Variants in LRRC7 observed in about 807,000 individuals in gnomAD.
LRRC7 encodes leucine-rich repeat-containing protein 7.
Under a neutral mutation model 175.7 loss-of-function variants are expected in LRRC7, and 23 were observed. The observed-to-expected ratio is 0.13, with a 90% CI of 0.09 to 0.19. The LOEUF is 0.19. Ranked by LOEUF, LRRC7 falls within the 10% of genes least tolerant of loss-of-function variation. LRRC7 has a pLI of 1.00. For missense variants in LRRC7, 1,354 were observed against 1,904.7 expected, an observed-to-expected ratio of 0.71 and a Z score of 5.38; for synonymous variants, 685 against 680.9, an observed-to-expected ratio of 1.01 and a Z score of -0.09.
intron 24 of LRRC7, among the ~76,000 whole-genome samples, chr1:70,086,258 G>A (rs1663600368): frequency 1.3e-5 from 2 of 152,042 alleles, no homozygotes; most frequent in Non-Finnish European, 2.9e-5. Flanking sequence ...TGAGTGTCTA[G>A]GACTACAGGT....
At chr1:69,978,371 C>T (rs935446485) in intron 8 of LRRC7, among the ~76,000 whole-genome samples, 5 of 151,958 alleles carry the variant, frequency 3.3e-5, no homozygotes, top group East Asian at 1.9e-4. Context: ...TTCCAGTTCA[C>T]CTGCCTGTTG....
chr1:70,038,974 T>C lies in LRRC7; in HGVS notation c.3150T>C (p.Ser1050=). ...MLDDEMLTYG[S]SKGPQQQKAS... is the part of the protein sequence containing the mutation. The stretch of plus-strand genomic sequence containing the variant: ...ATGATGAGATGCTCACCTACGGAAG[T>C]AGTAAGGGGCCACAACAACAAAAAG... The change falls in exon 21 of 27, where the codon AGT becomes AGC. Residue 1050 remains serine, a synonymous_variant. Coordinates refer to ENST00000651989, the MANE Select transcript of LRRC7 (RefSeq NM_001370785.2). 6.2e-7 allele frequency: 1 copy of C among 1,613,830 alleles called. No homozygotes were observed. Among genetic ancestry groups the C allele is most frequent in the South Asian group, 1.1e-5 (1 of 91,066 alleles).
intron 26 of LRRC7, among the ~76,000 whole-genome samples, chr1:70,109,090 C>T (rs1665345444): frequency 6.6e-6 from 1 of 152,098 alleles, no homozygotes; most frequent in African/African-American, 2.4e-5. Flanking sequence ...GGCACGATCT[C>T]GGCTCACCAC....
intron 1 of LRRC7, among the ~76,000 whole-genome samples, chr1:69,633,831 C>T (rs1363090490): frequency 6.6e-6 from 1 of 152,072 alleles, no homozygotes; most frequent in African/African-American, 2.4e-5. Context: ...GACCCCTCAC[C>T]CTGGCAAGAG....
chr1:69,754,129 C>A (rs922599062), intron 2 of LRRC7, among the ~76,000 whole-genome samples: 1 of 151,944 alleles, frequency 6.6e-6, no homozygotes, highest in Admixed American at 6.6e-5. Flanking sequence ...GAGACCATAT[C>A]GTACTTGGTA....
chr1:69,923,602 T>A (rs893150157), intron 7 of LRRC7, among the ~76,000 whole-genome samples: 7 of 152,250 alleles, frequency 4.6e-5, no homozygotes, highest in Non-Finnish European at 1.0e-4. Context: ...AATGTCTTCT[T>A]TTCAGAAGTG....
intron 8 of LRRC7, among the ~76,000 whole-genome samples, chr1:69,941,871 A>G (rs1488655374): frequency 6.6e-6 from 1 of 152,094 alleles, no homozygotes; most frequent in Non-Finnish European, 1.5e-5. Flanking sequence ...GATTATAGAA[A>G]AACAATCCAG....
intron 3 of LRRC7, among the ~76,000 whole-genome samples, chr1:69,776,856 T>C (rs1192288461): frequency 1.3e-5 from 2 of 151,992 alleles, no homozygotes; most frequent in Non-Finnish European, 2.9e-5. Flanking sequence ...TGTGGGTGTG[T>C]GGGTTTGATA....
intron 11 of LRRC7, among the ~76,000 whole-genome samples, chr1:69,998,150 AT>A (rs1655183164): frequency 6.6e-6 from 1 of 152,196 alleles, no homozygotes; most frequent in Non-Finnish European, 1.5e-5. Flanking sequence ...ATTAAGTATA[AT>A]TGACATACAA....
intron 7 of LRRC7, among the ~76,000 whole-genome samples, chr1:69,916,026 A>G (rs1408757095): frequency 1.5e-5 from 2 of 135,144 alleles, no homozygotes; most frequent in Non-Finnish European, 3.1e-5. Context: ...TAGCTATTTT[A>G]TATATATATA....
intron 22 of LRRC7, among the ~76,000 whole-genome samples, chr1:70,046,488 C>T (rs1262734696): frequency 3.3e-5 from 5 of 151,896 alleles, no homozygotes; most frequent in African/African-American, 4.8e-5. Flanking sequence ...AATAAATTAT[C>T]GTCAATATTT....
rs989113165 is a variant in LRRC7, at chr1:70,136,945, G to T, written c.*15058G>T. ...TTGCTATGTTGCCCAGGCTGGTCTCGAACTCCTGAGCTCAAGTGATCCTCC... is the reference window on the plus strand; with the variant it reads ...TTGCTATGTTGCCCAGGCTGGTCTCTAACTCCTGAGCTCAAGTGATCCTCC... On this transcript the variant is annotated 3_prime_UTR_variant, in exon 27 of 27. Transcript: ENST00000651989. 6.6e-6 allele frequency among the ~76,000 whole-genome samples: 1 copy of T among 151,542 alleles called. No homozygotes were observed. Among genetic ancestry groups the T allele is most frequent in the Non-Finnish European group, 1.5e-5 (1 of 67,884 alleles).
At chr1:69,796,786 C>T (rs772846270) in intron 4 of LRRC7, among the ~76,000 whole-genome samples, 3 of 151,552 alleles carry the variant, frequency 2.0e-5, no homozygotes, top group Non-Finnish European at 4.4e-5. Context: ...AAGAGCGAAA[C>T]TCCATCTCAA....
intron 3 of LRRC7, among the ~76,000 whole-genome samples, chr1:69,782,591 G>A (rs1475200090): frequency 1.3e-5 from 2 of 152,176 alleles, no homozygotes; most frequent in Non-Finnish European, 2.9e-5. Context: ...GGACAGCAGA[G>A]GAGAGGTATG....
At chr1:69,741,334 G>A (rs1668687178) in intron 2 of LRRC7, among the ~76,000 whole-genome samples, 1 of 151,924 alleles carries the variant, frequency 6.6e-6, no homozygotes, top group African/African-American at 2.4e-5. Flanking sequence ...GTATCGTGGG[G>A]TTTTTGTTGT....
chr1:69,688,240 G>T (rs1661419078), intron 2 of LRRC7, among the ~76,000 whole-genome samples: 1 of 152,162 alleles, frequency 6.6e-6, no homozygotes, highest in Non-Finnish European at 1.5e-5. Context: ...AAGGAGTAGG[G>T]TTCATTTGTT....
intron 3 of LRRC7, among the ~76,000 whole-genome samples, chr1:69,774,246 T>A (rs1268732775): frequency 1.3e-5 from 2 of 152,232 alleles, no homozygotes; most frequent in Non-Finnish European, 2.9e-5. Context: ...AGGAGTGAAT[T>A]GGTCTAGAAT....
intron 7 of LRRC7, among the ~76,000 whole-genome samples, chr1:69,862,184 A>G (rs536742876): frequency 1.8e-4 from 27 of 152,250 alleles, no homozygotes; most frequent in Non-Finnish European, 3.1e-4. Flanking sequence ...CATAAAAGAA[A>G]CCATCTATGG....
At chr1:69,611,337 A>G (rs1307209763) in intron 1 of LRRC7, among the ~76,000 whole-genome samples, 3 of 151,756 alleles carry the variant, frequency 2.0e-5, no homozygotes, top group Non-Finnish European at 4.4e-5. Context: ...AATTTTTTTA[A>G]TATGTGAGAT....
Sources: gnomAD v4.1 joint callset for allele counts (sites outside exome capture counted in the v4.1 genomes callset) on GRCh38, gnomAD v4.1.1 for gene constraint, MANE v1.5 for transcripts, NCBI Gene and HGNC (gene_info 2026-07-23, HGNC 2026-07-21) for gene names.